Variants in GPR37 observed in about 807,000 individuals in gnomAD.
The protein encoded by GPR37 is G protein-coupled receptor 37.
GPR37 carries 20 observed loss-of-function variants against 43.6 expected under a neutral mutation model. That is an observed-to-expected ratio of 0.46 (90% CI 0.32 to 0.67). GPR37 has a LOEUF of 0.67. Ranked by LOEUF, GPR37 falls within the 30% of genes least tolerant of loss-of-function variation. GPR37 has a pLI of 0.03. For missense variants in GPR37, 724 were observed against 797.2 expected (o/e 0.91, Z 1.11); for synonymous variants, 315 against 322.6 (o/e 0.98, Z 0.25).
At chr7:124,757,536 A>G (rs989872094) in intron 1 of GPR37, among the ~76,000 whole-genome samples, 1 of 152,232 alleles carries the variant, frequency 6.6e-6, no homozygotes, top group African/African-American at 2.4e-5. Context: ...TAGGCTGTAT[A>G]GGCATTTATG....
In GPR37 at chr7:124,745,368, A is replaced by G. The variant is rs1422599013; in HGVS notation, c.*1157T>C. Among the ~76,000 whole-genome samples, 1 of 152,152 alleles carries G rather than the reference A, an allele frequency of 6.6e-6. No homozygotes were observed. The highest frequency in any genetic ancestry group is 1.5e-5 in the Non-Finnish European group (1 of 68,024). On this transcript the variant is annotated 3_prime_UTR_variant, in exon 2 of 2. Transcript: ENST00000303921. ...TCCCACACAGCAAGCATCCTACACA[A>G]CTGCTGCATTTTAAACTCCAGAAGA...
At chr7:124,748,977 A>C (rs1157507678) in intron 1 of GPR37, among the ~76,000 whole-genome samples, 1 of 152,104 alleles carries the variant, frequency 6.6e-6, no homozygotes, top group Non-Finnish European at 1.5e-5. Context: ...TATCCAACAC[A>C]AGCACACATT....
chr7:124,763,952 A>T lies in GPR37; in HGVS notation c.1023+2T>A, dbSNP rs1235951365. On this transcript the variant is annotated splice_donor_variant, in intron 1 of 1. Coordinates refer to ENST00000303921, the MANE Select transcript of GPR37 (RefSeq NM_005302.5). LOFTEE classifies it high-confidence loss of function. ...AGCTTGAGAGCCCCTGGAAGGCATT[A>T]CCTCTATATAGGGCACGATCTTGCA... 1 of 1,613,322 alleles carries T rather than the reference A, an allele frequency of 6.2e-7. No individual in the cohort carries two copies. Among genetic ancestry groups the T allele is most frequent in the Non-Finnish European group, 8.5e-7 (1 of 1,179,784 alleles).
In GPR37 at chr7:124,765,296, G is replaced by T. The variant is rs1043492745; in HGVS notation, c.-320C>A. 1.7e-5 allele frequency: 5 copies of T among 298,004 alleles called. No individual in the cohort carries two copies. Among genetic ancestry groups the T allele is most frequent in the Non-Finnish European group, 6.2e-6 (1 of 162,120 alleles). The allele number at this position is 298,004 out of a possible 1,614,324, so 18.5% of individuals were successfully genotyped here. On this transcript the variant is annotated 5_prime_UTR_variant, in exon 1 of 2. Coordinates refer to ENST00000303921, the MANE Select transcript of GPR37 (RefSeq NM_005302.5). ...AAGTTGCAATCAACACCTGACTGTTGATTACTGTTGAGACTCGGGGGAGCC... is the reference window on the plus strand; with the variant it reads ...AAGTTGCAATCAACACCTGACTGTTTATTACTGTTGAGACTCGGGGGAGCC...
chr7:124,760,163 A>G (rs1432848350), intron 1 of GPR37, among the ~76,000 whole-genome samples: 2 of 152,174 alleles, frequency 1.3e-5, no homozygotes, highest in African/African-American at 2.4e-5. Context: ...TCATAAATCT[A>G]TAAGAAGGTA....
chr7:124,748,119 A>G (rs1042025443), intron 1 of GPR37, among the ~76,000 whole-genome samples: 2 of 152,108 alleles, frequency 1.3e-5, no homozygotes, highest in African/African-American at 4.8e-5. Context: ...GCTGGGGCCA[A>G]TGTGGGTGGG....
At position 124,764,737 on chromosome 7, in the gene GPR37, A is replaced by G. The variant is rs149569764; in HGVS notation, c.240T>C (p.Phe80=). ...GCAGGTCCCAGGAGGGTCCCGCAAG[A>G]AACGCTGCCCCCTGCTCCTCCCTGG... ...RAPREEQGAA[F]LAGPSWDLPA... Residue 80 remains phenylalanine (F), a synonymous_variant, in exon 1 of 2, where the codon TTT becomes TTC. Transcript: ENST00000303921. This position sits in a 1 kb window ranked among gnomAD's most constrained non-coding sequence, Gnocchi z 5.4. 10,503 of 1,610,278 alleles carry G rather than the reference A, an allele frequency of 6.5e-3. 52 individuals are homozygous for G. The highest frequency in any genetic ancestry group is 7.7e-3 in the Non-Finnish European group (9,115 of 1,179,540).
At chr7:124,761,521 A>G (rs1259622373) in intron 1 of GPR37, among the ~76,000 whole-genome samples, 1 of 152,124 alleles carries the variant, frequency 6.6e-6, no homozygotes, top group Non-Finnish European at 1.5e-5. Context: ...TCACAGTTCA[A>G]CTTCTCCCTT....
At chr7:124,761,346 C>A (rs1200281270) in intron 1 of GPR37, among the ~76,000 whole-genome samples, 1 of 152,114 alleles carries the variant, frequency 6.6e-6, no homozygotes, top group Non-Finnish European at 1.5e-5. Flanking sequence ...CAAGGTTATA[C>A]CCCATCCTGG....
At position 124,747,002 on chromosome 7, in the gene GPR37, C is replaced by T. The variant is rs1793679513; in HGVS notation, c.1365G>A (p.Thr455=). 1.2e-6 allele frequency: 2 copies of T among 1,613,878 alleles called. No individual in the cohort carries two copies. The highest frequency in any genetic ancestry group is 1.7e-4 in the Middle Eastern group (1 of 6,058). Residue 455 remains threonine (T), a synonymous_variant, in exon 2 of 2, where the codon ACG becomes ACA. Transcript: ENST00000303921. The part of the protein sequence containing the change: ...WYFGCYFCLP[T]LFTITCSLVT... ...CTAGAGAGCAGGTGATGGTGAAAAG[C>T]GTGGGCAAACAAAAGTAACAGCCAA...
chr7:124,762,605 CCAAA>C (rs1342994392), intron 1 of GPR37, among the ~76,000 whole-genome samples: 8 of 152,166 alleles, frequency 5.3e-5, no homozygotes, highest in Non-Finnish European at 8.8e-5. Flanking sequence ...GAATTGTCTA[CCAAA>C]CAAAGTAGAT....
chr7:124,757,265 A>T (rs1433925183), intron 1 of GPR37, among the ~76,000 whole-genome samples: 1 of 152,180 alleles, frequency 6.6e-6, no homozygotes, highest in Non-Finnish European at 1.5e-5. Context: ...TACATTGCCA[A>T]ATAAGCCATT....
intron 1 of GPR37, among the ~76,000 whole-genome samples, chr7:124,755,806 G>A (rs1793784906): frequency 6.6e-6 from 1 of 152,064 alleles, no homozygotes; most frequent in African/African-American, 2.4e-5. Flanking sequence ...TTATTATGAT[G>A]TTCCTAGTCA....
At chr7:124,748,020 G>A (rs1793692487) in intron 1 of GPR37, among the ~76,000 whole-genome samples, 2 of 152,132 alleles carry the variant, frequency 1.3e-5, no homozygotes, top group African/African-American at 2.4e-5. Flanking sequence ...TTGCCCTAGG[G>A]GCACCTGCCA....
intron 1 of GPR37, among the ~76,000 whole-genome samples, chr7:124,763,048 A>G (rs1225057539): frequency 6.6e-6 from 1 of 152,208 alleles, no homozygotes; most frequent in Non-Finnish European, 1.5e-5. Flanking sequence ...CTACCACAAT[A>G]GTGGGCCAGG....
intron 1 of GPR37, among the ~76,000 whole-genome samples, chr7:124,758,426 A>C (rs1210730707): frequency 2.0e-5 from 3 of 152,186 alleles, no homozygotes; most frequent in Non-Finnish European, 4.4e-5. Flanking sequence ...ATAAAACAGT[A>C]AGTTTCCACT....
intron 1 of GPR37, among the ~76,000 whole-genome samples, chr7:124,747,736 T>A (rs1793689890): frequency 6.6e-6 from 1 of 152,022 alleles, no homozygotes; most frequent in African/African-American, 2.4e-5. Context: ...GAAATTCCCA[T>A]TTTCATTGCT....
chr7:124,764,763 G>T lies in GPR37; in HGVS notation c.214C>A (p.Pro72Thr). The T allele has an allele frequency of 6.2e-7, 1 of 1,612,752 alleles. No individual in the cohort carries two copies. The stretch of plus-strand genomic sequence containing the variant: ...AACGCTGCCCCCTGCTCCTCCCTGG[G>T]TGCTCGGGCTCGCAGAACGTCTCTT... ...SARDVLRARA[P>T]REEQGAAFLA... The change falls in exon 1 of 2, where the codon CCC (proline) becomes ACC (threonine). Residue 72 changes from proline to threonine, a missense_variant. Pro to Thr is a conservative substitution (Grantham distance 38). Coordinates refer to ENST00000303921, the MANE Select transcript of GPR37 (RefSeq NM_005302.5). This position sits in a 1 kb window ranked among gnomAD's most constrained non-coding sequence, Gnocchi z 5.4.
At chr7:124,757,847 C>T (rs1228007394) in intron 1 of GPR37, among the ~76,000 whole-genome samples, 2 of 152,058 alleles carry the variant, frequency 1.3e-5, no homozygotes, top group East Asian at 1.9e-4. Flanking sequence ...AATAGTACCT[C>T]GCATAGAAGA....
Sources: gnomAD v4.1 joint callset for allele counts (sites outside exome capture counted in the v4.1 genomes callset) on GRCh38, gnomAD v4.1.1 for gene constraint, Gnocchi (gnomAD v3.1) non-coding constraint, MANE v1.5 for transcripts, NCBI Gene and HGNC (gene_info 2026-07-23, HGNC 2026-07-21) for gene names.